The following ARHGAP20 variants were observed in gnomAD, a reference collection of about 807,000 sequenced individuals.
ARHGAP20 encodes the protein Rho GTPase activating protein 20.
Under a neutral mutation model 73.7 loss-of-function variants are expected in ARHGAP20, and 34 were observed. That is an observed-to-expected ratio of 0.46 (90% CI 0.35 to 0.61). ARHGAP20 has a LOEUF of 0.61. ARHGAP20 is among the 20% of genes least tolerant of loss of function. ARHGAP20 has a pLI of 0.00. For synonymous variants in ARHGAP20, 523 were observed against 518.2 expected (o/e 1.01, Z -0.13); for missense variants, 1,314 against 1,420.9 (o/e 0.92, Z 1.21).
At chr11:110,637,331 C>A (rs1948988931) in intron 2 of ARHGAP20, among the ~76,000 whole-genome samples, 1 of 151,964 alleles carries the variant, frequency 6.6e-6, no homozygotes, top group Non-Finnish European at 1.5e-5. Flanking sequence ...AACCTTAAAG[C>A]CTGGTAAAAT....
rs1465989847 is a variant in ARHGAP20 at position 110,577,126 on chromosome 11, A to G, written c.*2244T>C. On this transcript the variant is annotated 3_prime_UTR_variant, in exon 15 of 15. Coordinates refer to ENST00000683387, the MANE Select transcript of ARHGAP20 (RefSeq NM_001384657.1). ...TCCATTATCAGTGCCTTGAAAACCA[A>G]ACAACTTTAAAAGTTAGCAGCAGTT... The G allele has an allele frequency of 2.0e-6, 3 of 1,534,654 alleles. No individual in the cohort carries two copies. Among genetic ancestry groups the G allele is most frequent in the Non-Finnish European group, 2.6e-6 (3 of 1,146,302 alleles).
intron 2 of ARHGAP20, among the ~76,000 whole-genome samples, chr11:110,636,914 T>G (rs191442525): frequency 2.7e-4 from 41 of 152,102 alleles, no homozygotes; most frequent in Admixed American, 2.2e-3. Flanking sequence ...AACCTTCTAT[T>G]TAGCCTTTTA....
At chr11:110,705,207 C>T (rs35074834) in intron 1 of ARHGAP20, among the ~76,000 whole-genome samples, 26,529 of 152,026 alleles carry the variant, frequency 0.17, 2,332 homozygotes, top group South Asian at 0.31. Context: ...AAGGTAAGAA[C>T]TGTGAAAGAA....
chr11:110,586,307 G>T lies in ARHGAP20; in HGVS notation c.1324C>A (p.Pro442Thr). 6.3e-7 allele frequency: 1 copy of T among 1,576,486 alleles called. No individual in the cohort carries two copies. The highest frequency in any genetic ancestry group is 8.6e-7 in the Non-Finnish European group (1 of 1,161,742). ...SVLKDFLRNI[P>T]GSIFSSDLYD... ...AGATCTGATGAAAAAATACTTCCTG[G>T]AATATTTCGCAGAAAATCCTTAAAT... The change falls in exon 12 of 15, where the codon CCA (proline) becomes ACA (threonine). Residue 442 changes from proline (P) to threonine (T), a missense_variant. Around this residue, in one of 3 missense-constraint regions of ARHGAP20, gnomAD observed 230 missense variants for 317.6 expected, o/e 0.72. Transcript: ENST00000683387.
chr11:110,711,960 CGT>C, intron 1 of ARHGAP20, 165 bp downstream of exon 1: 1 of 1,251,762 alleles, frequency 8.0e-7, no homozygotes. Context: ...TGCCGCTGGC[CGT>C]CAAGGGCGGG....
intron 2 of ARHGAP20, among the ~76,000 whole-genome samples, chr11:110,658,027 A>G (rs1037361037): frequency 1.3e-5 from 2 of 152,152 alleles, no homozygotes; most frequent in African/African-American, 4.8e-5. Flanking sequence ...AATTAAGAGC[A>G]AAAATTTAAG....
intron 2 of ARHGAP20, among the ~76,000 whole-genome samples, chr11:110,668,770 A>G (rs1949772873): frequency 6.6e-6 from 1 of 152,268 alleles, no homozygotes; most frequent in Non-Finnish European, 1.5e-5. Flanking sequence ...AAATTCATGC[A>G]ACTCACTTTA....
chr11:110,586,199 C>G lies in ARHGAP20; in HGVS notation c.1415+17G>C, dbSNP rs773616676. The G allele has an allele frequency of 1.5e-6, 2 of 1,307,184 alleles. No individual in the cohort carries two copies. Among genetic ancestry groups the G allele is most frequent in the Non-Finnish European group, 2.0e-6 (2 of 980,946 alleles). The allele number at this position is 1,307,184 out of a possible 1,614,324, so 81.0% of individuals were successfully genotyped here. A position where few individuals can be genotyped will look rare whatever the true frequency, so the allele number is the denominator to read the frequency against. On this transcript the variant is annotated intron_variant, in intron 12 of 14. Coordinates refer to ENST00000683387, the MANE Select transcript of ARHGAP20 (RefSeq NM_001384657.1). ...TTTTAAAGTATTTTTGAGACATGAC[C>G]AAATTAGAATAATTACCTTTGAACA...
Position 110,579,722 on chromosome 11 carries a change from G to C in ARHGAP20, c.3224C>G (p.Pro1075Arg), listed in dbSNP as rs374179856. 12 of 1,614,062 alleles carry C rather than the reference G, an allele frequency of 7.4e-6. No homozygotes were observed. Among genetic ancestry groups the C allele is most frequent in the East Asian group, 2.2e-5 (1 of 44,898 alleles). ...ASPKGPLEPPPHASGVPEANS... is the reference protein window; with the variant it reads ...ASPKGPLEPPRHASGVPEANS... Reference sequence around the variant, plus strand: ...GGCTTCTGGAACACCAGAAGCATGTGGGGGTGGCTCTAAGGGTCCTTTTGG... The same window carrying C: ...GGCTTCTGGAACACCAGAAGCATGTCGGGGTGGCTCTAAGGGTCCTTTTGG... Residue 1075 changes from proline (P) to arginine (R), a missense_variant, in exon 15 of 15, where the codon CCA (proline) becomes CGA (arginine). This residue lies in a region of ARHGAP20 where 641 missense variants were observed against 636.9 expected (regional missense o/e 1.01). Transcript: ENST00000683387.
intron 9 of ARHGAP20, among the ~76,000 whole-genome samples, chr11:110,600,918 T>G (rs1948094857): frequency 6.6e-6 from 1 of 152,156 alleles, no homozygotes; most frequent in South Asian, 2.1e-4. Flanking sequence ...TAGGAGGCCT[T>G]CTCTACACTG....
At chr11:110,647,978 A>G (rs1169831396) in intron 2 of ARHGAP20, among the ~76,000 whole-genome samples, 1 of 151,812 alleles carries the variant, frequency 6.6e-6, no homozygotes, top group Non-Finnish European at 1.5e-5. Context: ...TTATAAAGAA[A>G]GGAAGTCAGA....
rs181763306 is a variant in ARHGAP20 at position 110,709,372 on chromosome 11, G to C, written c.105+2755C>G. On this transcript the variant is annotated intron_variant, in intron 1 of 14. Transcript: ENST00000683387. ...AGCAGACACTATTCTAGGTGCTGGA[G>C]AGGCAGCCCTAAGCAATACAGATAA... is the stretch of plus-strand genomic sequence containing the variant. 1.7e-3 allele frequency among the ~76,000 whole-genome samples: 257 copies of C among 152,312 alleles called. 1 individual carries two copies. The highest frequency in any genetic ancestry group is 6.0e-3 in the African/African-American group (248 of 41,554).
intron 10 of ARHGAP20, 79 bp from the exon 11 acceptor site, chr11:110,590,888 C>T: frequency 7.0e-7 from 1 of 1,421,716 alleles, no homozygotes; most frequent in Non-Finnish European, 9.4e-7. Context: ...TCTTTGGATG[C>T]CAGAGGCTAG....
At chr11:110,685,459 G>A (rs1033838330) in intron 2 of ARHGAP20, among the ~76,000 whole-genome samples, 2 of 151,478 alleles carry the variant, frequency 1.3e-5, no homozygotes, top group Non-Finnish European at 2.9e-5. Context: ...ATTACTTAGA[G>A]AAACCACCTC....
intron 7 of ARHGAP20, among the ~76,000 whole-genome samples, chr11:110,609,987 C>G (rs887257754): frequency 2.6e-5 from 4 of 152,026 alleles, no homozygotes; most frequent in African/African-American, 7.2e-5. Flanking sequence ...ACTGGTATAA[C>G]CAAATAGTCT....
intron 2 of ARHGAP20, among the ~76,000 whole-genome samples, chr11:110,689,160 G>A (rs933871013): frequency 6.6e-6 from 1 of 151,768 alleles, no homozygotes; most frequent in Non-Finnish European, 1.5e-5. Context: ...CACCACGCCC[G>A]GTTAATATTT....
chr11:110,591,092 T>C (rs897692471), intron 10 of ARHGAP20, among the ~76,000 whole-genome samples: 1 of 152,188 alleles, frequency 6.6e-6, no homozygotes, highest in Admixed American at 6.6e-5. Context: ...TATATAACAT[T>C]ATGATTATAG....
At chr11:110,656,615 G>A (rs1207990788) in intron 2 of ARHGAP20, among the ~76,000 whole-genome samples, 2 of 152,156 alleles carry the variant, frequency 1.3e-5, no homozygotes, top group South Asian at 2.1e-4. Flanking sequence ...CCTAGGCCCT[G>A]GGGATGAGAG....
Position 110,611,392 on chromosome 11 carries a change from GA to G in ARHGAP20, c.631-7del, listed in dbSNP as rs761587525. ...ATTACTGTTATAGTTTTAGACTGTAGAAAAAAAATAAGAAATATAGCTATAA... is the reference window on the plus strand; with the variant it reads ...ATTACTGTTATAGTTTTAGACTGTAGAAAAAAATAAGAAATATAGCTATAA... On this transcript the variant is annotated splice_polypyrimidine_tract_variant and splice_region_variant and intron_variant, in intron 6 of 14. Transcript: ENST00000683387. 120 of 1,402,326 alleles carry G rather than the reference GA, an allele frequency of 8.6e-5. No individual in the cohort carries two copies. The highest frequency in any genetic ancestry group is 1.9e-4 in the South Asian group (13 of 69,460). The allele number at this position is 1,402,326 out of a possible 1,614,324, so 86.9% of individuals were successfully genotyped here. A position where few individuals can be genotyped will look rare whatever the true frequency, so the allele number is the denominator to read the frequency against.
Sources: allele counts gnomAD v4.1 joint callset (sites outside exome capture counted in the v4.1 genomes callset), GRCh38; gene constraint gnomAD v4.1.1; regional missense constraint gnomAD v4.1.1; transcripts MANE v1.5; gene names NCBI Gene and HGNC (gene_info 2026-07-23, HGNC 2026-07-21).